BMS1: variants seen among roughly 807,000 people sequenced by gnomAD.
The protein encoded by BMS1 is ribosome biogenesis protein BMS1 homolog.
A neutral mutation model predicts 138.7 loss-of-function variants in BMS1; 53 were observed. The ratio of observed to expected loss-of-function variants is 0.38; its 90% CI spans 0.31 to 0.48. The LOEUF is 0.48. Ranked by LOEUF, BMS1 falls within the 20% of genes least tolerant of loss-of-function variation. BMS1 has a pLI of 0.97. For missense variants in BMS1, 1,360 were observed against 1,565.5 expected (o/e 0.87, Z 2.22); for synonymous variants, 504 against 539.9 (o/e 0.93, Z 0.92).
At chr10:42,830,180 A>G (rs1842760879) in intron 21 of BMS1, 81 bp from the exon 22 acceptor site, 3 of 1,523,498 alleles carry the variant, frequency 2.0e-6, no homozygotes, top group Non-Finnish European at 2.7e-6. Context: ...AAGTCAACCC[A>G]TTGAGAAGAT....
In BMS1 at chr10:42,796,683, T is replaced by C. The variant is rs1353088376; in HGVS notation, c.1439T>C (p.Val480Ala). The C allele has an allele frequency of 2.5e-6, 4 of 1,614,100 alleles. No homozygotes were observed. In the East Asian group the frequency reaches 6.7e-5, roughly 27 times the overall value. ...GAGATGACTGATCAGTATATGGCTG[T>C]TAAGGGCATCAAACGACGGAAACTT... Reference protein sequence around the residue: ...NAEMTDQYMAVKGIKRRKLEL... With the variant: ...NAEMTDQYMAAKGIKRRKLEL... Residue 480 changes from valine to alanine, a missense_variant, in exon 10 of 23, where the codon GTT becomes GCT. Around this residue, in one of 3 missense-constraint regions of BMS1, gnomAD observed 697 missense variants for 686.2 expected, o/e 1.02. Coordinates refer to ENST00000374518, the MANE Select transcript of BMS1 (RefSeq NM_014753.4).
intron 15 of BMS1, among the ~76,000 whole-genome samples, chr10:42,817,885 G>A (rs1246961878): frequency 1.3e-5 from 2 of 152,188 alleles, no homozygotes; most frequent in Non-Finnish European, 2.9e-5. Context: ...AGTGGCCCCT[G>A]TGGCTTATAG....
In BMS1 at chr10:42,831,208, TCTAC is replaced by T; in HGVS notation, c.*113_*116del. On this transcript the variant is annotated 3_prime_UTR_variant, in exon 23 of 23. Coordinates refer to ENST00000374518, the MANE Select transcript of BMS1 (RefSeq NM_014753.4). ...AGTGGGAAAGAGCTCAAGAGATGTC[TCTAC>T]TCAAACTGTGCCTGCAGGAGGAGGA... 3 of 1,150,774 alleles carry T rather than the reference TCTAC, an allele frequency of 2.6e-6. No individual in the cohort carries two copies. The highest frequency in any genetic ancestry group is 3.6e-6 in the Non-Finnish European group (3 of 822,494). 71.3% of individuals were successfully genotyped at this position (1,150,774 alleles called of 1,614,324 possible). A position where few individuals can be genotyped will look rare whatever the true frequency, so the allele number is the denominator to read the frequency against.
chr10:42,831,025 A>G lies in BMS1; in HGVS notation c.3778A>G (p.Arg1260Gly), dbSNP rs765912739. The part of the protein sequence containing the change: ...RQKDLRKKLF[R>G]IQGQKERRNQ... ...GAAGGACCTCAGGAAGAAGCTCTTCAGAATTCAGGGGCAGAAGGAAAGAAG... is the reference window on the plus strand; with the variant it reads ...GAAGGACCTCAGGAAGAAGCTCTTCGGAATTCAGGGGCAGAAGGAAAGAAG... Residue 1260 changes from arginine to glycine, a missense_variant, in exon 23 of 23, where the codon AGA (arginine) becomes GGA (glycine). By Grantham distance (125) the Arg-to-Gly change is moderately radical. Coordinates refer to ENST00000374518, the MANE Select transcript of BMS1 (RefSeq NM_014753.4). 1.9e-6 allele frequency: 3 copies of G among 1,596,404 alleles called. No individual in the cohort carries two copies. Among genetic ancestry groups the G allele is most frequent in the Middle Eastern group, 1.7e-4 (1 of 6,034 alleles).
chr10:42,824,547 A>C (rs1471176588), intron 21 of BMS1, among the ~76,000 whole-genome samples: 1 of 152,176 alleles, frequency 6.6e-6, no homozygotes, highest in Non-Finnish European at 1.5e-5. Context: ...TATCCAAAAA[A>C]TTATTGCTAA....
intron 4 of BMS1, among the ~76,000 whole-genome samples, chr10:42,787,486 G>A (rs1467010805): frequency 6.6e-6 from 1 of 152,156 alleles, no homozygotes; most frequent in Non-Finnish European, 1.5e-5. Flanking sequence ...CAAATCACAG[G>A]ATGGAGAAAA....
chr10:42,814,324 A>G (rs1366922834), intron 13 of BMS1, among the ~76,000 whole-genome samples: 3 of 152,102 alleles, frequency 2.0e-5, no homozygotes, highest in Non-Finnish European at 4.4e-5. Context: ...AATTCTGTTG[A>G]TACAGGTTTC....
At position 42,796,507 on chromosome 10, in the gene BMS1, C is replaced by T; in HGVS notation, c.1263C>T (p.Asp421=). The part of the protein sequence containing the change: ...LMMPKEEKQM[D]LNTGRMRRKA... ...TGCCAAAGGAGGAAAAACAAATGGA[C>T]TTGAACACTGGTCGAATGCGTCGGA... Residue 421 remains aspartate (D), a synonymous_variant, in exon 10 of 23, where the codon GAC becomes GAT. Coordinates refer to ENST00000374518, the MANE Select transcript of BMS1 (RefSeq NM_014753.4). 6.2e-7 allele frequency: 1 copy of T among 1,614,086 alleles called. No individual in the cohort carries two copies. The highest frequency in any genetic ancestry group is 1.1e-5 in the South Asian group (1 of 91,068).
intron 12 of BMS1, among the ~76,000 whole-genome samples, 157 bp downstream of exon 12, chr10:42,798,782 C>T (rs537770698): frequency 6.6e-6 from 1 of 152,338 alleles, no homozygotes; most frequent in African/African-American, 2.4e-5. Flanking sequence ...TTCATGCATC[C>T]TAAGCAGTAA....
At chr10:42,798,355 CAG>C in intron 11 of BMS1, 111 bp from the exon 12 acceptor site, 1 of 1,330,904 alleles carries the variant, frequency 7.5e-7, no homozygotes, top group South Asian at 1.4e-5. Context: ...CCACCACAGA[CAG>C]AGTCCCTCAG....
intron 13 of BMS1, among the ~76,000 whole-genome samples, chr10:42,806,464 C>G (rs1410344256): frequency 6.6e-6 from 1 of 152,190 alleles, no homozygotes; most frequent in African/African-American, 2.4e-5. Flanking sequence ...TGGCTGGGCA[C>G]AGTGGCTGAC....
At chr10:42,808,300 A>G (rs949197047) in intron 13 of BMS1, among the ~76,000 whole-genome samples, 1 of 148,850 alleles carries the variant, frequency 6.7e-6, no homozygotes, top group African/African-American at 2.5e-5. Flanking sequence ...ATTTATTATT[A>G]TTATTATTTG....
intron 13 of BMS1, among the ~76,000 whole-genome samples, chr10:42,812,523 A>G (rs1373522946): frequency 6.6e-6 from 1 of 152,112 alleles, no homozygotes; most frequent in Non-Finnish European, 1.5e-5. Flanking sequence ...CATTAAGCAG[A>G]TGTTACGGTC....
rs754940990 is a variant in BMS1, at chr10:42,823,739, C to T, written c.3411C>T (p.Leu1137=). The T allele has an allele frequency of 1.9e-5, 30 of 1,595,338 alleles. No homozygotes were observed. Among genetic ancestry groups the T allele is most frequent in the African/African-American group, 2.7e-5 (2 of 74,786 alleles). Residue 1137 remains leucine (L), a synonymous_variant, in exon 21 of 23, where the codon CTC becomes CTT. Transcript: ENST00000374518. The part of the protein sequence containing the change: ...SGMRTTGQLR[L]AHGVRLKANK... ...TGCGGACCACGGGCCAACTCAGGCT[C>T]GCCCATGGCGTCAGACTAAAGGCGA...
At chr10:42,804,487 A>AT (rs1258188930) in intron 13 of BMS1, among the ~76,000 whole-genome samples, 1 of 152,056 alleles carries the variant, frequency 6.6e-6, no homozygotes, top group Admixed American at 6.6e-5. Context: ...GGTATCGAAC[A>AT]TTTTTTCATG....
chr10:42,805,397 A>G (rs1841985390), intron 13 of BMS1, among the ~76,000 whole-genome samples: 1 of 152,222 alleles, frequency 6.6e-6, no homozygotes, highest in Non-Finnish European at 1.5e-5. Flanking sequence ...TAGTCTTGGA[A>G]TTAAGTAGTT....
intron 12 of BMS1, among the ~76,000 whole-genome samples, chr10:42,799,247 C>T (rs1841796530): frequency 6.6e-6 from 1 of 152,126 alleles, no homozygotes; most frequent in Non-Finnish European, 1.5e-5. Flanking sequence ...GTAGCTGGGA[C>T]TATAGGCACG....
At chr10:42,790,285 T>C in intron 4 of BMS1, 38 bp from the exon 5 acceptor site, 3 of 1,607,878 alleles carry the variant, frequency 1.9e-6, no homozygotes, top group Non-Finnish European at 2.5e-6. Flanking sequence ...TGGTCTGTTT[T>C]GGTAGTTTCT....
chr10:42,796,346 T>C (rs1281458943), intron 9 of BMS1, 128 bp from the exon 10 acceptor site: 19 of 1,118,692 alleles, frequency 1.7e-5, no homozygotes, highest in South Asian at 3.4e-5. Flanking sequence ...ATTTTCCCTA[T>C]GCTATGTCAT....
Sources: allele counts gnomAD v4.1 joint callset (sites outside exome capture counted in the v4.1 genomes callset), GRCh38; gene constraint gnomAD v4.1.1; regional missense constraint gnomAD v4.1.1; transcripts MANE v1.5; gene names NCBI Gene and HGNC (gene_info 2026-07-23, HGNC 2026-07-21).